Variants in ADH5 observed in about 807,000 individuals in gnomAD.
ADH5 encodes the protein alcohol dehydrogenase 5 (class III), chi polypeptide.
ADH5 carries 32 observed loss-of-function variants against 40.3 expected under a neutral mutation model. The ratio of observed to expected loss-of-function variants is 0.79; its 90% CI spans 0.60 to 1.07. The LOEUF is 1.07. Ranked by LOEUF, ADH5 falls within the 50% of genes least tolerant of loss-of-function variation. ADH5 has a pLI of 0.00. For synonymous variants in ADH5, 125 were observed against 154.3 expected, an observed-to-expected ratio of 0.81 and a Z score of 1.41; for missense variants, 353 against 460.5, an observed-to-expected ratio of 0.77 and a Z score of 2.14.
Position 99,071,583 on chromosome 4 carries a change from A to G in ADH5, c.*834T>C, listed in dbSNP as rs1350532910. 1 of 152,240 alleles carries G rather than the reference A, an allele frequency of 6.6e-6. No homozygotes were observed. Among genetic ancestry groups the G allele is most frequent in the African/African-American group, 2.4e-5 (1 of 41,466 alleles). 9.4% of individuals were successfully genotyped at this position (152,240 alleles called of 1,614,324 possible). A position where few individuals can be genotyped will look rare whatever the true frequency, so the allele number is the denominator to read the frequency against. ...TATGAGGCTTAAAAATATATAAAAC[A>G]GTACTAAAGAGTAGATGGTTTAGGT... On this transcript the variant is annotated 3_prime_UTR_variant, in exon 9 of 9. Coordinates refer to ENST00000296412, the MANE Select transcript of ADH5 (RefSeq NM_000671.4).
At chr4:99,088,368 T>C (rs965153645) in intron 1 of ADH5, among the ~76,000 whole-genome samples, 1 of 152,122 alleles carries the variant, frequency 6.6e-6, no homozygotes, top group Non-Finnish European at 1.5e-5. Context: ...TAAGAAGCAA[T>C]GCGTGGCCGC....
rs528775681 is a variant in ADH5, at chr4:99,071,022, G to A, written c.*1395C>T. ...ACTTTATTCAACAAAATACCATAAA[G>A]TAAAAAGAAAAGTCACAAGATAGAC... is the stretch of plus-strand genomic sequence containing the variant. On this transcript the variant is annotated 3_prime_UTR_variant, in exon 9 of 9. Transcript: ENST00000296412. The A allele has an allele frequency of 2.2e-4, 34 of 152,010 alleles. No individual in the cohort carries two copies. The highest frequency in any genetic ancestry group is 3.8e-4 in the Non-Finnish European group (26 of 67,998). 9.4% of individuals were successfully genotyped at this position (152,010 alleles called of 1,614,324 possible).
chr4:99,081,995 C>A lies in ADH5; in HGVS notation c.236G>T (p.Gly79Val), dbSNP rs1348041993. The A allele has an allele frequency of 1.9e-6, 3 of 1,613,622 alleles. No homozygotes were observed. In the African/African-American group the frequency reaches 4.0e-5, roughly 22 times the overall value. The change falls in exon 3 of 9, where the codon GGA becomes GTA. Residue 79 changes from glycine to valine, a missense_variant. Gly to Val is a moderately radical substitution (Grantham distance 109). Transcript: ENST00000296412. The stretch of plus-strand genomic sequence containing the variant: ...CTTACCCGCCTTCAGCTTAGTAACT[C>A]CCTCACCAACACTTTCCACAATTCC... Reference protein sequence around the residue: ...GAGIVESVGEGVTKLKAGDTV... With the variant: ...GAGIVESVGEVVTKLKAGDTV...
rs29001631 is a variant in ADH5, at chr4:99,074,614, T to A, written c.961+300A>T. Among the ~76,000 whole-genome samples, 5,713 of 152,222 alleles carry A rather than the reference T, an allele frequency of 0.038. 321 individuals are homozygous for A. The highest frequency in any genetic ancestry group is 0.13 in the African/African-American group (5,284 of 41,484). ...TGCTTACTTTGCAATCAACTTCCTG[T>A]CCCTGCTATACCCATAACTACTTCC... On this transcript the variant is annotated intron_variant, in intron 7 of 8. Coordinates refer to ENST00000296412, the MANE Select transcript of ADH5 (RefSeq NM_000671.4).
chr4:99,080,169 A>C (rs1397550729), intron 4 of ADH5: 1 of 249,022 alleles, frequency 4.0e-6, no homozygotes, highest in Non-Finnish European at 7.9e-6. Context: ...ACACACAAAA[A>C]TCCCTAAAAC....
intron 6 of ADH5, 132 bp from the exon 7 acceptor site, chr4:99,075,181 G>T: frequency 2.9e-6 from 2 of 698,848 alleles, no homozygotes; most frequent in South Asian, 3.7e-5. Context: ...AACATTTAGT[G>T]AGCTCAATGT....
In ADH5 at chr4:99,082,134, C is replaced by A. The variant is rs1238869539; in HGVS notation, c.115-18G>T. 2 of 1,612,138 alleles carry A rather than the reference C, an allele frequency of 1.2e-6. No individual in the cohort carries two copies. Among genetic ancestry groups the A allele is most frequent in the Non-Finnish European group, 8.5e-7 (1 of 1,178,726 alleles). On this transcript the variant is annotated intron_variant, in intron 2 of 8. Coordinates refer to ENST00000296412, the MANE Select transcript of ADH5 (RefSeq NM_000671.4). ...GCAATGATCTATCAGGACATTAAAA[C>A]AACGAATGTGTAAGTATGTGTGCAT...
intron 1 of ADH5, 74 bp downstream of exon 1, chr4:99,088,615 C>A: frequency 7.0e-7 from 1 of 1,437,950 alleles, no homozygotes; most frequent in South Asian, 1.5e-5. Flanking sequence ...CGCGCGCCCC[C>A]GAGGATAGCA....
rs529086273 is a variant in ADH5 at position 99,078,505 on chromosome 4, G to A, written c.345-1582C>T. On this transcript the variant is annotated intron_variant, in intron 4 of 8. Transcript: ENST00000296412. ...TGCAACCTCAACCTCCAGGGCTCGT[G>A]ATCCTCCCACCACAGCCACTGGGCA... Among the ~76,000 whole-genome samples, 23 of 152,216 alleles carry A rather than the reference G, an allele frequency of 1.5e-4. 1 individual carries two copies. The highest frequency in any genetic ancestry group is 8.5e-4 in the Admixed American group (13 of 15,290).
At chr4:99,078,214 C>T (rs866043124) in intron 4 of ADH5, among the ~76,000 whole-genome samples, 24 of 152,242 alleles carry the variant, frequency 1.6e-4, no homozygotes, top group African/African-American at 4.8e-4. Flanking sequence ...GGCATAGAGA[C>T]GGGGTCTCAC....
chr4:99,082,976 G>A (rs765429732), intron 2 of ADH5, among the ~76,000 whole-genome samples: 3 of 152,176 alleles, frequency 2.0e-5, no homozygotes, highest in Non-Finnish European at 4.4e-5. Flanking sequence ...ATGCCCAGCC[G>A]TAACTTATAT....
At chr4:99,076,256 T>G in intron 6 of ADH5, 36 bp downstream of exon 6, 1 of 1,591,976 alleles carries the variant, frequency 6.3e-7, no homozygotes, top group Non-Finnish European at 8.6e-7. Flanking sequence ...AAAAAAGCAG[T>G]TCCATAAACT....
At chr4:99,073,658 A>G (rs186833236) in intron 7 of ADH5, among the ~76,000 whole-genome samples, 4 of 152,210 alleles carry the variant, frequency 2.6e-5, no homozygotes, top group African/African-American at 9.6e-5. Context: ...TTTCCCCACA[A>G]ATGGTAGGGA....
chr4:99,079,921 G>A, intron 4 of ADH5: 1 of 441,118 alleles, frequency 2.3e-6, no homozygotes, highest in South Asian at 1.6e-5. Context: ...GAAGAGAATG[G>A]GTACAGAAAA....
chr4:99,081,116 C>CT (rs1266050730), intron 4 of ADH5, among the ~76,000 whole-genome samples: 1 of 152,198 alleles, frequency 6.6e-6, no homozygotes, highest in East Asian at 1.9e-4. Flanking sequence ...TAATGCATGT[C>CT]TCAGTTGAAT....
intron 1 of ADH5, among the ~76,000 whole-genome samples, chr4:99,086,896 C>T (rs29001348): frequency 0.04 from 5,473 of 136,402 alleles, 190 homozygotes; most frequent in African/African-American, 0.066. Flanking sequence ...GCCGAGATCG[C>T]GCCACTGCAC....
chr4:99,088,596 G>T, intron 1 of ADH5, 93 bp downstream of exon 1: 1 of 1,352,974 alleles, frequency 7.4e-7, no homozygotes, highest in Non-Finnish European at 9.9e-7. Flanking sequence ...CGTCTTGGGC[G>T]CCGAGCCTCG....
chr4:99,075,024 T>C lies in ADH5; in HGVS notation c.851A>G (p.Lys284Arg). 4 of 1,611,634 alleles carry C rather than the reference T, an allele frequency of 2.5e-6. No homozygotes were observed. The highest frequency in any genetic ancestry group is 3.4e-6 in the Non-Finnish European group (4 of 1,178,466). ...VMRAALEACHKGWGVSVVVGV... is the reference protein window; with the variant it reads ...VMRAALEACHRGWGVSVVVGV... ...AACCACGACGCTGACGCCCCAGCCC[T>C]TGTGACATGCCTCAAGTGCTGCTCT... The change falls in exon 7 of 9, where the codon AAG becomes AGG. Residue 284 changes from lysine to arginine, a missense_variant. Physicochemically the swap from Lys to Arg is conservative, Grantham distance 26. Transcript: ENST00000296412.
At position 99,071,515 on chromosome 4, in the gene ADH5, T is replaced by C. The variant is rs1369938197; in HGVS notation, c.*902A>G. ...AATTAATGAACGAGAGCTTCAGATA[T>C]AATTATACAATAATGAGTGAAAAAA... On this transcript the variant is annotated 3_prime_UTR_variant, in exon 9 of 9. Transcript: ENST00000296412. The C allele has an allele frequency of 6.6e-6, 1 of 152,180 alleles. No homozygotes were observed. The highest frequency in any genetic ancestry group is 2.4e-5 in the African/African-American group (1 of 41,440). The allele number at this position is 152,180 out of a possible 1,614,324, so 9.4% of individuals were successfully genotyped here.
Sources: gnomAD v4.1 joint callset for allele counts (sites outside exome capture counted in the v4.1 genomes callset) on GRCh38, gnomAD v4.1.1 for gene constraint, MANE v1.5 for transcripts, NCBI Gene and HGNC (gene_info 2026-07-23, HGNC 2026-07-21) for gene names.